The following EXD1 variants were observed in gnomAD, a reference collection of about 807,000 sequenced individuals.
The protein encoded by EXD1 is exonuclease 3'-5' domain containing 1.
Under a neutral mutation model 49.1 loss-of-function variants are expected in EXD1, and 63 were observed. The ratio of observed to expected loss-of-function variants is 1.28; its 90% CI spans 1.05 to 1.58. The LOEUF is 1.58. Among genes scored for constraint, EXD1 ranks in the 40% most tolerant of loss-of-function variants. The pLI is 0.00. For synonymous variants in EXD1, 234 were observed against 239.2 expected (o/e 0.98, Z 0.20); for missense variants, 748 against 666.0 (o/e 1.12, Z -1.36).
chr15:41,208,010 CAAAAA>C (rs10707284), intron 7 of EXD1, among the ~76,000 whole-genome samples: 1 of 106,404 alleles, frequency 9.4e-6, no homozygotes, highest in African/African-American at 3.3e-5. Context: ...GACCCTGCCT[CAAAAA>C]AAAAAAAAAA....
intron 7 of EXD1, among the ~76,000 whole-genome samples, chr15:41,207,784 G>A (rs559142477): frequency 1.6e-4 from 24 of 151,998 alleles, no homozygotes; most frequent in African/African-American, 4.3e-4. Flanking sequence ...GTTGAGGTGG[G>A]CAGATCACCT....
intron 2 of EXD1, among the ~76,000 whole-genome samples, chr15:41,223,391 G>C (rs72737792): frequency 0.21 from 31,808 of 151,846 alleles, 3,642 homozygotes; most frequent in Non-Finnish European, 0.26. Context: ...CTGCACTCCA[G>C]GCTGAATGAC....
chr15:41,207,148 G>A (rs1266808804), intron 7 of EXD1, among the ~76,000 whole-genome samples: 2 of 151,462 alleles, frequency 1.3e-5, no homozygotes, highest in Non-Finnish European at 2.9e-5. Flanking sequence ...GGCTGAGGCA[G>A]GAGAATCGCT....
chr15:41,225,674 G>A (rs528974391), intron 2 of EXD1, among the ~76,000 whole-genome samples: 24 of 151,508 alleles, frequency 1.6e-4, no homozygotes, highest in African/African-American at 5.1e-4. Context: ...CCTGAGGTCC[G>A]GAGTTTGAGA....
chr15:41,185,823 C>T (rs1053254601), intron 11 of EXD1, among the ~76,000 whole-genome samples: 4 of 151,984 alleles, frequency 2.6e-5, no homozygotes, highest in East Asian at 1.9e-4. Context: ...ACCCGGCATC[C>T]GATTATATTT....
intron 3 of EXD1, 88 bp from the exon 4 acceptor site, chr15:41,217,242 T>G (rs1423645387): frequency 4.7e-6 from 5 of 1,057,948 alleles, no homozygotes; most frequent in Non-Finnish European, 7.0e-6. Flanking sequence ...AGTTTAACCA[T>G]GTACTGCAAA....
chr15:41,210,799 A>T lies in EXD1; in HGVS notation c.448-1212T>A, dbSNP rs566458932. On this transcript the variant is annotated intron_variant, in intron 6 of 11. Coordinates refer to ENST00000458580, the MANE Select transcript of EXD1 (RefSeq NM_001286441.2). Reference sequence around the variant, plus strand: ...CATAATTCATAAAAATATTTGCATGATAAAAGATTCTCCCCATTTTATAGG... The same window carrying T: ...CATAATTCATAAAAATATTTGCATGTTAAAAGATTCTCCCCATTTTATAGG... Among the ~76,000 whole-genome samples, 68 of 152,350 alleles carry T rather than the reference A, an allele frequency of 4.5e-4. 1 individual carries two copies. The South Asian group carries it at 0.012, about 26-fold the overall frequency.
At chr15:41,229,922 A>C (rs1394488681) in intron 1 of EXD1, among the ~76,000 whole-genome samples, 3 of 152,080 alleles carry the variant, frequency 2.0e-5, no homozygotes, top group African/African-American at 7.2e-5. Flanking sequence ...GCCTGCTACG[A>C]CAAAAATATC....
intron 7 of EXD1, among the ~76,000 whole-genome samples, chr15:41,206,251 C>A (rs1178731767): frequency 1.3e-5 from 2 of 151,986 alleles, no homozygotes. Flanking sequence ...AGGCAGATCA[C>A]TTGAGGTTAG....
intron 2 of EXD1, among the ~76,000 whole-genome samples, chr15:41,221,444 T>TA (rs2047087027): frequency 9.9e-6 from 1 of 101,208 alleles, no homozygotes; most frequent in Non-Finnish European, 1.7e-5. Flanking sequence ...GCTATTTTTC[T>TA]TTTTTTTTTG....
At position 41,219,852 on chromosome 15, in the gene EXD1, A is replaced by T. The variant is rs936831942; in HGVS notation, c.180T>A (p.Phe60Leu). ...TGRSVPGVKL[F>L]FGHEIVNVEL... ...CACCATTCACAATCTCATGCCCAAAAAACAACTTCACTCCTGGGACACTTC... is the reference window on the plus strand; with the variant it reads ...CACCATTCACAATCTCATGCCCAAATAACAACTTCACTCCTGGGACACTTC... The change falls in exon 3 of 12, where the codon TTT becomes TTA. Residue 60 changes from phenylalanine to leucine, a missense_variant. Physicochemically the swap from Phe to Leu is conservative, Grantham distance 22. Transcript: ENST00000458580. The T allele has an allele frequency of 4.6e-6, 7 of 1,535,930 alleles. No individual in the cohort carries two copies. The African/African-American group carries it at 9.6e-5, about 21-fold the overall frequency.
intron 9 of EXD1, among the ~76,000 whole-genome samples, chr15:41,194,968 G>A (rs568248326): frequency 1.3e-5 from 2 of 152,148 alleles, no homozygotes; most frequent in African/African-American, 2.4e-5. Context: ...TATTAGTTCA[G>A]TTTCTCTCCA....
At chr15:41,212,430 G>C (rs1016090423) in intron 6 of EXD1, among the ~76,000 whole-genome samples, 29 of 151,804 alleles carry the variant, frequency 1.9e-4, no homozygotes, top group African/African-American at 7.0e-4. Context: ...ACTCCAGCCT[G>C]GGCGACAGAG....
At chr15:41,190,628 CAG>C (rs952695683) in intron 10 of EXD1, among the ~76,000 whole-genome samples, 1 of 152,188 alleles carries the variant, frequency 6.6e-6, no homozygotes, top group African/African-American at 2.4e-5. Flanking sequence ...CCTACATTAA[CAG>C]TGTGTGTGTA....
chr15:41,216,707 C>T lies in EXD1; in HGVS notation c.349G>A (p.Ala117Thr), dbSNP rs1163282763. Residue 117 changes from alanine (A) to threonine (T), a missense_variant, in exon 5 of 12, where the codon GCT (alanine) becomes ACT (threonine). Coordinates refer to ENST00000458580, the MANE Select transcript of EXD1 (RefSeq NM_001286441.2). ...TTGAGGTCATTCAGCAGAGAGGTAG[C>T]TGGTGCTTCAGGGGCAGGAGAAGCA... Reference protein sequence around the residue: ...EPASPAPEAPATSLLNDLKYS... With the variant: ...EPASPAPEAPTTSLLNDLKYS... 4 of 1,613,468 alleles carry T rather than the reference C, an allele frequency of 2.5e-6. No individual in the cohort carries two copies. In the African/African-American group the frequency reaches 4.0e-5, roughly 16 times the overall value.
chr15:41,188,150 C>A (rs2046445184), intron 11 of EXD1, among the ~76,000 whole-genome samples: 1 of 151,916 alleles, frequency 6.6e-6, no homozygotes, highest in South Asian at 2.1e-4. Flanking sequence ...GCTTTGTGAG[C>A]CATAGTCTCA....
Position 41,195,966 on chromosome 15 carries a change from A to G in EXD1, c.606T>C (p.Leu202=). 1 of 1,612,430 alleles carries G rather than the reference A, an allele frequency of 6.2e-7. No homozygotes were observed. The highest frequency in any genetic ancestry group is 1.3e-5 in the African/African-American group (1 of 74,954). ...LLGSRAFHNG[L]QMILEDKRIL... ...TTCTCTTGTCTTCTAGTATCATCTG[A>G]AGTCCATTGTGGAAAGCTCGACTTC... is the stretch of plus-strand genomic sequence containing the variant. The change falls in exon 8 of 12, where the codon CTT becomes CTC. Residue 202 remains leucine (L), a synonymous_variant. Coordinates refer to ENST00000458580, the MANE Select transcript of EXD1 (RefSeq NM_001286441.2).
At chr15:41,197,819 T>C (rs2140841696) in intron 7 of EXD1, among the ~76,000 whole-genome samples, 1 of 143,596 alleles carries the variant, frequency 7.0e-6, no homozygotes, top group African/African-American at 2.5e-5. Context: ...AGAGATGGGG[T>C]TTCACTATGT....
At chr15:41,217,508 G>T (rs1219339157) in intron 3 of EXD1, among the ~76,000 whole-genome samples, 1 of 151,230 alleles carries the variant, frequency 6.6e-6, no homozygotes, top group African/African-American at 2.4e-5. Context: ...TCCTTCACAT[G>T]GGTGCTGTTT....
Sources: allele counts gnomAD v4.1 joint callset (sites outside exome capture counted in the v4.1 genomes callset), GRCh38; gene constraint gnomAD v4.1.1; transcripts MANE v1.5; gene names NCBI Gene and HGNC (gene_info 2026-07-23, HGNC 2026-07-21).